MAML2: variants seen among roughly 807,000 people sequenced by gnomAD.
The protein encoded by MAML2 is mastermind like transcriptional coactivator 2.
In MAML2, 22 loss-of-function variants were observed where a neutral mutation model predicts 96.1. That is an observed-to-expected ratio of 0.23 (90% confidence interval 0.16 to 0.33). The LOEUF (loss-of-function observed/expected upper bound fraction) is 0.33. Among genes scored for constraint, MAML2 ranks in the 10% least tolerant of loss-of-function variants. MAML2 has a pLI of 1.00. For synonymous variants in MAML2, 561 were observed against 521.3 expected (o/e 1.08, Z -1.04); for missense variants, 1,367 against 1,392.4 (o/e 0.98, Z 0.29).
chr11:96,204,653 T>C (rs940973273), intron 1 of MAML2, among the ~76,000 whole-genome samples: 2 of 152,194 alleles, frequency 1.3e-5, no homozygotes, highest in South Asian at 2.1e-4. Flanking sequence ...CCAAGAGTTT[T>C]TGTTTTTGTT....
intron 1 of MAML2, among the ~76,000 whole-genome samples, chr11:96,140,400 T>G (rs894111945): frequency 2.4e-4 from 37 of 152,196 alleles, no homozygotes; most frequent in Non-Finnish European, 4.3e-4. Flanking sequence ...TTATTGCCTC[T>G]GGTGAGGTAT....
At chr11:96,239,383 T>A (rs939421072) in intron 1 of MAML2, among the ~76,000 whole-genome samples, 2 of 152,206 alleles carry the variant, frequency 1.3e-5, no homozygotes, top group Non-Finnish European at 2.9e-5. Flanking sequence ...AGCACTTCTC[T>A]CAGGAAGCTT....
chr11:96,184,748 C>T (rs1358926282), intron 1 of MAML2, among the ~76,000 whole-genome samples: 1 of 151,902 alleles, frequency 6.6e-6, no homozygotes, highest in East Asian at 2.0e-4. Context: ...CACCGCCACA[C>T]CTGTCTAATT....
intron 1 of MAML2, among the ~76,000 whole-genome samples, chr11:96,232,764 G>A (rs1862315097): frequency 6.6e-6 from 1 of 152,218 alleles, no homozygotes; most frequent in Non-Finnish European, 1.5e-5. Context: ...GAGCCACCGC[G>A]CCCGGCCAAG....
chr11:96,169,716 G>A (rs894370150), intron 1 of MAML2, among the ~76,000 whole-genome samples: 7 of 149,020 alleles, frequency 4.7e-5, no homozygotes, highest in Non-Finnish European at 7.4e-5. Context: ...ATGCAGTGGC[G>A]TGATCTCAGC....
intron 1 of MAML2, among the ~76,000 whole-genome samples, chr11:96,134,289 A>G (rs1348900569): frequency 6.6e-6 from 1 of 152,194 alleles, no homozygotes; most frequent in Non-Finnish European, 1.5e-5. Context: ...TGTGTTACTC[A>G]CCACTACTAA....
chr11:96,039,215 A>G (rs1336065231), intron 2 of MAML2, among the ~76,000 whole-genome samples: 1 of 151,782 alleles, frequency 6.6e-6, no homozygotes, highest in African/African-American at 2.4e-5. Context: ...TGATTGCACC[A>G]CTGAACTCCA....
Position 96,018,843 on chromosome 11 carries a change from C to T in MAML2, c.2140-27120G>A, listed in dbSNP as rs141572056. On this transcript the variant is annotated intron_variant, in intron 2 of 4. Coordinates refer to ENST00000524717, the MANE Select transcript of MAML2 (RefSeq NM_032427.4). The stretch of plus-strand genomic sequence containing the variant: ...ACCTCAAGTGATATGCCTGCCTCCA[C>T]CTCCCAAAGTGCTGGGATTACTGGT... Among the ~76,000 whole-genome samples the T allele has an allele frequency of 3.2e-3, 487 of 152,288 alleles. 1 individual carries two copies. Among genetic ancestry groups the T allele is most frequent in the African/African-American group, 0.011 (463 of 41,556 alleles).
chr11:96,160,171 G>A (rs369669236), intron 1 of MAML2, among the ~76,000 whole-genome samples: 4 of 152,150 alleles, frequency 2.6e-5, no homozygotes, highest in African/African-American at 2.4e-5. Context: ...AAGCCCTGGG[G>A]TGCTTATGTT....
intron 1 of MAML2, among the ~76,000 whole-genome samples, chr11:96,301,113 G>A (rs1219050912): frequency 1.3e-5 from 2 of 152,118 alleles, no homozygotes; most frequent in African/African-American, 2.4e-5. Context: ...TTTAACAATC[G>A]CCCAAGGGTC....
At chr11:96,171,454 T>A (rs1468538522) in intron 1 of MAML2, among the ~76,000 whole-genome samples, 1 of 152,166 alleles carries the variant, frequency 6.6e-6, no homozygotes, top group Non-Finnish European at 1.5e-5. Context: ...CACTCTGCAA[T>A]CCAATGAGGG....
chr11:96,183,125 T>G (rs1416666611), intron 1 of MAML2, among the ~76,000 whole-genome samples: 1 of 151,752 alleles, frequency 6.6e-6, no homozygotes, highest in Non-Finnish European at 1.5e-5. Context: ...GCCTGGCTAA[T>G]TTTTTGTATT....
At position 96,300,091 on chromosome 11, in the gene MAML2, T is replaced by C. The variant is rs370584431; in HGVS notation, c.513+41292A>G. Among the ~76,000 whole-genome samples, 128 of 151,450 alleles carry C rather than the reference T, an allele frequency of 8.5e-4. 2 individuals are homozygous for C. The South Asian group carries it at 0.026, about 31-fold the overall frequency. ...AGAGAGAGTAAGGAAATTGGGAGGG[T>C]GGAAGAGGATAAGAGGGTGTGTGAT... On this transcript the variant is annotated intron_variant, in intron 1 of 4. Coordinates refer to ENST00000524717, the MANE Select transcript of MAML2 (RefSeq NM_032427.4).
intron 2 of MAML2, among the ~76,000 whole-genome samples, chr11:96,054,048 C>G (rs1859026977): frequency 6.6e-6 from 1 of 152,174 alleles, no homozygotes; most frequent in African/African-American, 2.4e-5. Flanking sequence ...AACAATCTTA[C>G]TTACATGTAT....
intron 1 of MAML2, among the ~76,000 whole-genome samples, chr11:96,164,384 G>T (rs1861159620): frequency 6.6e-6 from 1 of 152,154 alleles, no homozygotes; most frequent in Non-Finnish European, 1.5e-5. Flanking sequence ...TTTGCCCAAG[G>T]CTACAGAACT....
intron 1 of MAML2, among the ~76,000 whole-genome samples, chr11:96,110,218 C>A (rs12278253): frequency 0.31 from 46,856 of 151,968 alleles, 7,703 homozygotes; most frequent in Middle Eastern, 0.47. Flanking sequence ...TAGGTAGATT[C>A]TTCTTCTTAA....
At chr11:96,192,839 C>T (rs567598059) in intron 1 of MAML2, among the ~76,000 whole-genome samples, 11 of 152,264 alleles carry the variant, frequency 7.2e-5, no homozygotes, top group South Asian at 2.1e-4. Flanking sequence ...GCCTAGTGAC[C>T]GTGAATCATG....
intron 2 of MAML2, among the ~76,000 whole-genome samples, chr11:96,012,374 G>C (rs889065243): frequency 6.6e-6 from 1 of 152,192 alleles, no homozygotes; most frequent in Non-Finnish European, 1.5e-5. Context: ...TAATCATTAA[G>C]CGGTTCCCTG....
intron 1 of MAML2, among the ~76,000 whole-genome samples, chr11:96,120,366 A>G (rs1860316931): frequency 6.6e-6 from 1 of 152,184 alleles, no homozygotes; most frequent in African/African-American, 2.4e-5. Context: ...GGAGTAATCT[A>G]TATGCACTTG....
Sources: gnomAD v4.1 joint callset for allele counts (sites outside exome capture counted in the v4.1 genomes callset) on GRCh38, gnomAD v4.1.1 for gene constraint, MANE v1.5 for transcripts, NCBI Gene and HGNC (gene_info 2026-07-23, HGNC 2026-07-21) for gene names.